C8orf34: variants seen among roughly 807,000 people sequenced by gnomAD.
C8orf34 encodes the protein chromosome 8 open reading frame 34.
A neutral mutation model predicts 68.3 loss-of-function variants in C8orf34; 65 were observed. The observed-to-expected ratio is 0.95, with a 90% CI of 0.78 to 1.17. The LOEUF is 1.17. C8orf34 is among the 50% of genes most tolerant of loss of function. The pLI is 0.00. For missense variants in C8orf34, 664 were observed against 655.4 expected (o/e 1.01, Z -0.14); for synonymous variants, 244 against 241.2 (o/e 1.01, Z -0.11).
At chr8:68,397,420 T>G (rs1352349984) in intron 1 of C8orf34, among the ~76,000 whole-genome samples, 1 of 152,170 alleles carries the variant, frequency 6.6e-6, no homozygotes, top group Non-Finnish European at 1.5e-5. Flanking sequence ...AACAATTACC[T>G]TAAAAATCAT....
At position 68,761,832 on chromosome 8, in the gene C8orf34, C is replaced by T. The variant is rs139050499; in HGVS notation, c.1405-14567C>T. On this transcript the variant is annotated intron_variant, in intron 10 of 13. Coordinates refer to ENST00000518698, the MANE Select transcript of C8orf34 (RefSeq NM_052958.4). ...GTCAGCTAAAATTCTCCCCTGCCTC[C>T]TTTTTTCTTTAACACTACAGTGTGG... Among the ~76,000 whole-genome samples, 122 of 152,310 alleles carry T rather than the reference C, an allele frequency of 8.0e-4. No individual in the cohort carries two copies. In the East Asian group the frequency reaches 0.021, roughly 26 times the overall value.
chr8:68,645,732 AG>A (rs1256354307), intron 8 of C8orf34, among the ~76,000 whole-genome samples: 1 of 152,190 alleles, frequency 6.6e-6, no homozygotes, highest in African/African-American at 2.4e-5. Context: ...AGTGATGTTG[AG>A]GGTTTCTCCA....
intron 7 of C8orf34, among the ~76,000 whole-genome samples, chr8:68,558,800 G>C (rs1167805915): frequency 6.6e-6 from 1 of 152,048 alleles, no homozygotes; most frequent in Non-Finnish European, 1.5e-5. Context: ...CCCTGTACTA[G>C]GAAAATACAG....
chr8:68,454,347 C>A (rs1270891564), intron 3 of C8orf34, among the ~76,000 whole-genome samples: 1 of 151,914 alleles, frequency 6.6e-6, no homozygotes, highest in East Asian at 1.9e-4. Flanking sequence ...GGTGTTAATT[C>A]TTCTTTAAAT....
intron 12 of C8orf34, among the ~76,000 whole-genome samples, chr8:68,810,520 C>G (rs773885120): frequency 1.5e-4 from 23 of 152,158 alleles, no homozygotes; most frequent in Non-Finnish European, 3.2e-4. Context: ...CTCTACTTCT[C>G]GTAGCCCGCA....
chr8:68,484,315 C>T (rs1204353866), intron 4 of C8orf34, among the ~76,000 whole-genome samples: 1 of 152,186 alleles, frequency 6.6e-6, no homozygotes, highest in Non-Finnish European at 1.5e-5. Flanking sequence ...CTCCCACCAG[C>T]CCTCACCTCT....
rs150477321 is a variant in C8orf34, at chr8:68,574,984, T to A, written c.1105+41835T>A. 9.6e-3 allele frequency among the ~76,000 whole-genome samples: 1,454 copies of A among 152,052 alleles called. 11 individuals carry two copies. Among genetic ancestry groups the A allele is most frequent in the South Asian group, 0.033 (161 of 4,818 alleles). On this transcript the variant is annotated intron_variant, in intron 7 of 13. Coordinates refer to ENST00000518698, the MANE Select transcript of C8orf34 (RefSeq NM_052958.4). ...GTATAGAAATAAATTCCTTTTTGTA[T>A]ATGTACAGAAATTTTAATAAATATT...
intron 1 of C8orf34, among the ~76,000 whole-genome samples, chr8:68,419,806 C>T (rs1372888910): frequency 4.1e-5 from 5 of 122,248 alleles, no homozygotes; most frequent in African/African-American, 9.8e-5. Flanking sequence ...GGAAGGGGAA[C>T]ATCACACTCT....
At chr8:68,579,223 A>G (rs773886144) in intron 7 of C8orf34, among the ~76,000 whole-genome samples, 3 of 152,236 alleles carry the variant, frequency 2.0e-5, no homozygotes, top group Non-Finnish European at 4.4e-5. Flanking sequence ...AGAGAAGTCG[A>G]TATTTCTAAA....
chr8:68,581,526 T>C (rs1331268815), intron 7 of C8orf34, among the ~76,000 whole-genome samples: 2 of 152,122 alleles, frequency 1.3e-5, no homozygotes, highest in African/African-American at 4.8e-5. Context: ...GTAGTACATC[T>C]TGAACTCCAT....
chr8:68,608,923 T>C (rs1817933845), intron 7 of C8orf34, among the ~76,000 whole-genome samples: 1 of 152,124 alleles, frequency 6.6e-6, no homozygotes, highest in African/African-American at 2.4e-5. Flanking sequence ...ATCCCAGCAT[T>C]TTGGGGGGCC....
chr8:68,680,142 C>A (rs1216910247), intron 8 of C8orf34, among the ~76,000 whole-genome samples: 1 of 152,056 alleles, frequency 6.6e-6, no homozygotes, highest in Non-Finnish European at 1.5e-5. Flanking sequence ...AGAAAACCCA[C>A]AGAATAGGAG....
At chr8:68,636,319 T>C (rs1181098116) in intron 7 of C8orf34, among the ~76,000 whole-genome samples, 1 of 151,798 alleles carries the variant, frequency 6.6e-6, no homozygotes, top group Non-Finnish European at 1.5e-5. Context: ...CTCACGCCTA[T>C]AATCCCAGAA....
chr8:68,534,401 T>C (rs990481515), intron 7 of C8orf34: 1 of 887,284 alleles, frequency 1.1e-6, no homozygotes, highest in African/African-American at 1.8e-5. Context: ...TTGGCTGGGG[T>C]CTGGGAACAT....
intron 7 of C8orf34, among the ~76,000 whole-genome samples, chr8:68,621,769 T>C (rs1818395720): frequency 6.6e-6 from 1 of 152,244 alleles, no homozygotes; most frequent in Non-Finnish European, 1.5e-5. Flanking sequence ...ACTGAAGTAA[T>C]TCTTCAAGAC....
intron 7 of C8orf34, among the ~76,000 whole-genome samples, chr8:68,560,977 ATT>A (rs1197188539): frequency 2.1e-4 from 29 of 139,850 alleles, no homozygotes; most frequent in East Asian, 4.2e-4. Context: ...TTTTAATTTA[ATT>A]TTTTTTTTTT....
intron 5 of C8orf34, among the ~76,000 whole-genome samples, chr8:68,508,121 A>T (rs1398242380): frequency 2.0e-5 from 3 of 152,202 alleles, no homozygotes; most frequent in African/African-American, 4.8e-5. Flanking sequence ...CAGACTCTTA[A>T]TGTTTTTTTC....
intron 7 of C8orf34, among the ~76,000 whole-genome samples, chr8:68,607,095 G>T (rs16934762): frequency 1.0e-3 from 158 of 152,058 alleles, no homozygotes; most frequent in African/African-American, 3.8e-3. Flanking sequence ...AGAGTCTATC[G>T]CCAACAGCTG....
In C8orf34 at chr8:68,345,757, AT is replaced by A. The variant is rs1180869985; in HGVS notation, c.327+14424del. On this transcript the variant is annotated intron_variant, in intron 1 of 13. Coordinates refer to ENST00000518698, the MANE Select transcript of C8orf34 (RefSeq NM_052958.4). ...TATACATATAAGTGGGTATATATAT[AT>A]TTTTTGTGTATTATATATATGTGTG... 4.7e-5 allele frequency among the ~76,000 whole-genome samples: 7 copies of A among 149,704 alleles called. No homozygotes were observed. In the East Asian group the frequency reaches 7.7e-4, roughly 17 times the overall value.
Sources: allele counts gnomAD v4.1 joint callset (sites outside exome capture counted in the v4.1 genomes callset), GRCh38; gene constraint gnomAD v4.1.1; transcripts MANE v1.5; gene names NCBI Gene and HGNC (gene_info 2026-07-23, HGNC 2026-07-21).